The following MMP16 variants were observed in gnomAD, a reference collection of about 807,000 sequenced individuals.
MMP16 encodes the protein matrix metallopeptidase 16, also known as matrix metalloproteinase-16.
Under a neutral mutation model 67.8 loss-of-function variants are expected in MMP16, and 12 were observed. That is an observed-to-expected ratio of 0.18 (90% CI 0.11 to 0.29). The LOEUF (loss-of-function observed/expected upper bound fraction) is 0.29. MMP16 is among the 10% of genes least tolerant of loss of function. The probability of loss-of-function intolerance (pLI) is 1.00; values close to 1 mark genes in which losing one functional copy is unlikely to be tolerated. For missense variants in MMP16, 475 were observed against 765.7 expected, an observed-to-expected ratio of 0.62 and a Z score of 4.48; for synonymous variants, 249 against 255.9, an observed-to-expected ratio of 0.97 and a Z score of 0.26.
intron 1 of MMP16, among the ~76,000 whole-genome samples, chr8:88,277,627 T>C (rs1452946528): frequency 6.6e-6 from 1 of 152,302 alleles, no homozygotes; most frequent in African/African-American, 2.4e-5. Flanking sequence ...TTGTAAACCA[T>C]AAGGGTAATT....
chr8:88,084,156 T>G (rs2118319009), intron 6 of MMP16, among the ~76,000 whole-genome samples: 1 of 152,154 alleles, frequency 6.6e-6, no homozygotes, highest in South Asian at 2.1e-4. Flanking sequence ...CAAGGCAAAG[T>G]TATGTCAGTT....
At chr8:88,073,802 G>A (rs1052393559) in intron 7 of MMP16, among the ~76,000 whole-genome samples, 3 of 152,054 alleles carry the variant, frequency 2.0e-5, no homozygotes, top group Admixed American at 6.6e-5. Context: ...CTCTATTCCT[G>A]TATAAGCTTA....
Position 88,142,884 on chromosome 8 carries a change from T to C in MMP16, c.710-24023A>G, listed in dbSNP as rs144860021. Among the ~76,000 whole-genome samples, 348 of 152,312 alleles carry C rather than the reference T, an allele frequency of 2.3e-3. 2 individuals are homozygous for C. Among genetic ancestry groups the C allele is most frequent in the African/African-American group, 8.1e-3 (336 of 41,576 alleles). ...AAATACAGAAGAATTAATTCTCGAT[T>C]GTTCTATTGTCAATAGATGTGATAT... On this transcript the variant is annotated intron_variant, in intron 4 of 9. Coordinates refer to ENST00000286614, the MANE Select transcript of MMP16 (RefSeq NM_005941.5).
intron 1 of MMP16, among the ~76,000 whole-genome samples, chr8:88,233,232 T>A (rs983818549): frequency 3.9e-4 from 59 of 152,172 alleles, no homozygotes; most frequent in South Asian, 8.3e-4. Context: ...TTATTTTTTT[T>A]AAAAAAGGCC....
intron 1 of MMP16, among the ~76,000 whole-genome samples, chr8:88,243,189 G>A (rs1198593641): frequency 6.6e-6 from 1 of 152,130 alleles, no homozygotes; most frequent in Admixed American, 6.6e-5. Flanking sequence ...TGTTGTCAAG[G>A]TTTAGGATAG....
intron 4 of MMP16, among the ~76,000 whole-genome samples, chr8:88,142,930 A>C (rs1168981354): frequency 2.6e-5 from 4 of 152,186 alleles, no homozygotes; most frequent in Non-Finnish European, 5.9e-5. Flanking sequence ...AAAAATAGCA[A>C]GTCTTTATCT....
chr8:88,100,491 G>A (rs1295479851), intron 6 of MMP16, among the ~76,000 whole-genome samples: 4 of 151,978 alleles, frequency 2.6e-5, no homozygotes, highest in Non-Finnish European at 5.9e-5. Context: ...GTGCTGGAGA[G>A]GATATAGAGA....
intron 9 of MMP16, among the ~76,000 whole-genome samples, chr8:88,043,954 T>G (rs986231768): frequency 6.6e-6 from 1 of 152,228 alleles, no homozygotes; most frequent in Non-Finnish European, 1.5e-5. Flanking sequence ...TTCTTATATC[T>G]ATAAACTGGA....
intron 7 of MMP16, among the ~76,000 whole-genome samples, chr8:88,072,788 A>T (rs915381497): frequency 6.6e-6 from 1 of 152,174 alleles, no homozygotes; most frequent in Non-Finnish European, 1.5e-5. Flanking sequence ...TGAAATTTCT[A>T]TTTGAATGCT....
chr8:88,252,629 G>C (rs1264731516), intron 1 of MMP16, among the ~76,000 whole-genome samples: 12 of 130,398 alleles, frequency 9.2e-5, no homozygotes, highest in African/African-American at 3.4e-4. Context: ...CAGAAACAGG[G>C]GTTTTCCACC....
rs1808004319 is a variant in MMP16, at chr8:88,032,891, C to T, written c.*8570G>A. 1 of 151,916 alleles carries T rather than the reference C, an allele frequency of 6.6e-6. No individual in the cohort carries two copies. Among genetic ancestry groups the T allele is most frequent in the South Asian group, 2.1e-4 (1 of 4,812 alleles). 9.4% of individuals were successfully genotyped at this position (151,916 alleles called of 1,614,324 possible). A position where few individuals can be genotyped will look rare whatever the true frequency, so the allele number is the denominator to read the frequency against. ...GAAATAGTGTTGAGTGTAATGAGAA[C>T]AATGCAGAAACTTAAATCTAGATTT... is the stretch of plus-strand genomic sequence containing the variant. On this transcript the variant is annotated 3_prime_UTR_variant, in exon 10 of 10. Transcript: ENST00000286614.
rs187149251 is a variant in MMP16 at position 88,302,508 on chromosome 8, A to G, written c.132+24567T>C. On this transcript the variant is annotated intron_variant, in intron 1 of 9. Transcript: ENST00000286614. Reference sequence around the variant, plus strand: ...CTGACATTTCACTCTTGCACTCAGGACAAGTGTGTCCAAATAAGTAACAAC... The same window carrying G: ...CTGACATTTCACTCTTGCACTCAGGGCAAGTGTGTCCAAATAAGTAACAAC... 2.0e-5 allele frequency among the ~76,000 whole-genome samples: 3 copies of G among 152,304 alleles called. No individual in the cohort carries two copies. The East Asian group carries it at 5.8e-4, about 29-fold the overall frequency.
intron 1 of MMP16, among the ~76,000 whole-genome samples, chr8:88,234,262 A>G (rs1431404929): frequency 2.6e-5 from 4 of 152,206 alleles, no homozygotes; most frequent in African/African-American, 9.6e-5. Flanking sequence ...TGAATTTGTC[A>G]TTTTGAAACT....
At chr8:88,307,079 T>A (rs1811221761) in intron 1 of MMP16, among the ~76,000 whole-genome samples, 1 of 152,202 alleles carries the variant, frequency 6.6e-6, no homozygotes, top group Non-Finnish European at 1.5e-5. Context: ...TTCAGCAAAG[T>A]CTCAGAATAC....
intron 3 of MMP16, among the ~76,000 whole-genome samples, chr8:88,180,789 C>T (rs1407411660): frequency 6.6e-6 from 1 of 151,984 alleles, no homozygotes. Flanking sequence ...TAAAAATCCT[C>T]AAAAAAGTCA....
chr8:88,234,635 CA>C lies in MMP16; in HGVS notation c.133-37330del, dbSNP rs1454842147. Among the ~76,000 whole-genome samples the C allele has an allele frequency of 5.9e-5, 9 of 152,312 alleles. No individual in the cohort carries two copies. In the East Asian group the frequency reaches 1.5e-3, roughly 26 times the overall value. On this transcript the variant is annotated intron_variant, in intron 1 of 9. Coordinates refer to ENST00000286614, the MANE Select transcript of MMP16 (RefSeq NM_005941.5). ...TCAAGAGATATTAGGACAAATAGAGCAAACTCAGAGTTAGACTCTGACCTTT... is the reference window on the plus strand; with the variant it reads ...TCAAGAGATATTAGGACAAATAGAGCAACTCAGAGTTAGACTCTGACCTTT...
At chr8:88,166,561 T>C (rs1483563537) in intron 4 of MMP16, among the ~76,000 whole-genome samples, 2 of 150,734 alleles carry the variant, frequency 1.3e-5, no homozygotes, top group Non-Finnish European at 3.0e-5. Context: ...ATAGTTAGGA[T>C]AGAGTTGCAA....
intron 6 of MMP16, among the ~76,000 whole-genome samples, chr8:88,091,747 G>A (rs999587653): frequency 6.6e-6 from 1 of 151,762 alleles, no homozygotes; most frequent in Non-Finnish European, 1.5e-5. Flanking sequence ...CTAGATTTGT[G>A]CTGTCAATAT....
intron 4 of MMP16, among the ~76,000 whole-genome samples, chr8:88,151,083 C>A (rs1808397749): frequency 8.3e-6 from 1 of 119,898 alleles, no homozygotes. Flanking sequence ...ATAAAACAGA[C>A]TTTAAACCAA....
Sources: gnomAD v4.1 joint callset for allele counts (sites outside exome capture counted in the v4.1 genomes callset) on GRCh38, gnomAD v4.1.1 for gene constraint, MANE v1.5 for transcripts, NCBI Gene and HGNC (gene_info 2026-07-23, HGNC 2026-07-21) for gene names.